TMX1: variants seen among roughly 807,000 people sequenced by gnomAD.
TMX1 encodes thioredoxin-related transmembrane protein 1.
In TMX1, 25 loss-of-function variants were observed where a neutral mutation model predicts 36.6. The ratio of observed to expected loss-of-function variants is 0.68; its 90% CI spans 0.50 to 0.95. TMX1 has a LOEUF of 0.95. Among genes scored for constraint, TMX1 ranks in the 40% least tolerant of loss-of-function variants. The pLI, the probability that TMX1 is intolerant of heterozygous loss-of-function variation, is 0.00. For missense variants in TMX1, 347 were observed against 339.6 expected (o/e 1.02, Z -0.17); for synonymous variants, 133 against 118.0 (o/e 1.13, Z -0.82).
Position 51,254,398 on chromosome 14 carries a change from C to T in TMX1, c.722C>T (p.Ala241Val), listed in dbSNP as rs747510130. The change falls in exon 8 of 8, where the codon GCG (alanine) becomes GTG (valine). Residue 241 changes from alanine to valine, a missense_variant. Physicochemically the swap from Ala to Val is moderately conservative, Grantham distance 64 (BLOSUM62 0). Coordinates refer to ENST00000457354, the MANE Select transcript of TMX1 (RefSeq NM_030755.5). ...PLKKVEEEQE[A>V]DEEDVSEEEA... is the part of the protein sequence containing the mutation. ...AAAAAAGTGGAGGAGGAACAAGAGG[C>T]GGATGAAGAAGATGTTTCAGAAGAA... The T allele has an allele frequency of 6.2e-6, 10 of 1,611,116 alleles. No homozygotes were observed. The highest frequency in any genetic ancestry group is 1.1e-5 in the South Asian group (1 of 90,510).
At position 51,240,297 on chromosome 14, in the gene TMX1, C is replaced by T. The variant is rs754659653; in HGVS notation, c.5C>T (p.Ala2Val). Reference protein sequence around the residue: MAPSGSLAVPLA... With the variant: MVPSGSLAVPLA... Reference sequence around the variant, plus strand: ...GTGAGGTGGGCAAGCGGCGAAATGGCGCCCTCCGGGAGTCTTGCAGTTCCC... The same window carrying T: ...GTGAGGTGGGCAAGCGGCGAAATGGTGCCCTCCGGGAGTCTTGCAGTTCCC... The change falls in exon 1 of 8, where the codon GCG (alanine) becomes GTG (valine). Residue 2 changes from alanine to valine, a missense_variant. Transcript: ENST00000457354. 1.1e-5 allele frequency: 18 copies of T among 1,610,120 alleles called. No homozygotes were observed. Among genetic ancestry groups the T allele is most frequent in the Admixed American group, 1.0e-4 (6 of 59,958 alleles).
chr14:51,248,592 G>A (rs868280671), intron 4 of TMX1, among the ~76,000 whole-genome samples: 6 of 152,258 alleles, frequency 3.9e-5, no homozygotes, highest in Middle Eastern at 3.4e-3. Flanking sequence ...CGAACTAAAA[G>A]TATAACTGAT....
intron 2 of TMX1, 52 bp downstream of exon 2, chr14:51,244,023 T>G (rs1033804753): frequency 7.1e-7 from 1 of 1,417,270 alleles, no homozygotes; most frequent in Non-Finnish European, 9.6e-7. Flanking sequence ...GGTTGATATA[T>G]TTATCCTTTT....
At chr14:51,252,386 C>G (rs1160631531) in intron 7 of TMX1, among the ~76,000 whole-genome samples, 1 of 151,400 alleles carries the variant, frequency 6.6e-6, no homozygotes, top group Non-Finnish European at 1.5e-5. Flanking sequence ...GGTCTATGAG[C>G]CAGAGAGATC....
chr14:51,252,583 A>G (rs1239005635), intron 7 of TMX1, among the ~76,000 whole-genome samples: 5 of 152,182 alleles, frequency 3.3e-5, no homozygotes, highest in Non-Finnish European at 2.9e-5. Context: ...AGTAAGCACT[A>G]TGTATATGAT....
chr14:51,241,322 A>G (rs1329612616), intron 1 of TMX1, among the ~76,000 whole-genome samples: 5 of 152,226 alleles, frequency 3.3e-5, no homozygotes, highest in African/African-American at 9.7e-5. Context: ...GGTATTATAC[A>G]TATTAGCAGT....
Position 51,240,323 on chromosome 14 carries a change from C to T in TMX1, c.31C>T (p.Leu11=), listed in dbSNP as rs761968295. MAPSGSLAVP[L]AVLVLLLWGA... is the part of the protein sequence containing the mutation. ...GCCCTCCGGGAGTCTTGCAGTTCCC[C>T]TGGCAGTCCTGGTGCTGTTGCTTTG... The change falls in exon 1 of 8, where the codon CTG becomes TTG. Residue 11 remains leucine (L), a synonymous_variant. Coordinates refer to ENST00000457354, the MANE Select transcript of TMX1 (RefSeq NM_030755.5). 1.1e-5 allele frequency: 18 copies of T among 1,613,256 alleles called. No individual in the cohort carries two copies. The highest frequency in any genetic ancestry group is 1.4e-5 in the Non-Finnish European group (16 of 1,179,994).
At position 51,241,316 on chromosome 14, in the gene TMX1, T is replaced by TTA. The variant is rs201667051; in HGVS notation, c.152+875_152+876dup. Among the ~76,000 whole-genome samples, 1,191 of 152,324 alleles carry TTA rather than the reference T, an allele frequency of 7.8e-3. 12 individuals carry two copies. Among genetic ancestry groups the TTA allele is most frequent in the South Asian group, 0.026 (125 of 4,828 alleles). ...TGCTAAGTCGTTGTTGATGGTGGTA[T>TTA]TATACATATTAGCAGTATTTACTGA... On this transcript the variant is annotated intron_variant, in intron 1 of 7. Transcript: ENST00000457354.
At chr14:51,242,926 T>C (rs1241708579) in intron 1 of TMX1, among the ~76,000 whole-genome samples, 3 of 152,206 alleles carry the variant, frequency 2.0e-5, no homozygotes, top group African/African-American at 4.8e-5. Context: ...ATTTTCATTG[T>C]AATACGATTT....
chr14:51,249,754 C>T lies in TMX1; in HGVS notation c.653C>T (p.Pro218Leu), dbSNP rs775899536. ...AAAAGGCGCAGACCACAGCCGTACC[C>T]ATACCCTTCAAGTAAGTATATTTTA... Reference protein sequence around the residue: ...PSKRRRPQPYPYPSKKLLSES... With the variant: ...PSKRRRPQPYLYPSKKLLSES... Residue 218 changes from proline (P) to leucine (L), a missense_variant, in exon 7 of 8, where the codon CCA (proline) becomes CTA (leucine). Coordinates refer to ENST00000457354, the MANE Select transcript of TMX1 (RefSeq NM_030755.5). 1 of 1,608,880 alleles carries T rather than the reference C, an allele frequency of 6.2e-7. No individual in the cohort carries two copies.
intron 1 of TMX1, 58 bp from the exon 2 acceptor site, chr14:51,243,798 G>T: frequency 8.3e-7 from 1 of 1,206,524 alleles, no homozygotes. Flanking sequence ...TTTATCCCAA[G>T]ATAAATGGTC....
Position 51,254,980 on chromosome 14 carries a change from A to G in TMX1, c.*461A>G, listed in dbSNP as rs566418652. On this transcript the variant is annotated 3_prime_UTR_variant, in exon 8 of 8. Coordinates refer to ENST00000457354, the MANE Select transcript of TMX1 (RefSeq NM_030755.5). Reference sequence around the variant, plus strand: ...CATTGTCTCAAGAAATGTGTATTTCAGTGACAATTTCGTGGTCTTTTTAGA... The same window carrying G: ...CATTGTCTCAAGAAATGTGTATTTCGGTGACAATTTCGTGGTCTTTTTAGA... 4 of 152,634 alleles carry G rather than the reference A, an allele frequency of 2.6e-5. No homozygotes were observed. Among genetic ancestry groups the G allele is most frequent in the African/African-American group, 7.2e-5 (3 of 41,572 alleles). 9.5% of individuals were successfully genotyped at this position (152,634 alleles called of 1,614,324 possible).
At chr14:51,247,323 A>G in intron 4 of TMX1, 103 bp downstream of exon 4, 1 of 1,208,356 alleles carries the variant, frequency 8.3e-7, no homozygotes, top group African/African-American at 1.6e-5. Context: ...TTGAGCTGTT[A>G]AGGTATATCC....
At chr14:51,249,245 G>T (rs2065799950) in intron 4 of TMX1, 81 bp from the exon 5 acceptor site, 15 of 1,189,820 alleles carry the variant, frequency 1.3e-5, no homozygotes, top group Non-Finnish European at 1.8e-5. Flanking sequence ...TCATATTGGG[G>T]AAATTATAGA....
Position 51,243,165 on chromosome 14 carries a change from G to T in TMX1, c.153-691G>T. On this transcript the variant is annotated intron_variant, in intron 1 of 7. Transcript: ENST00000457354. ...AAAATACAATAAAGTGGAAAAATAA[G>T]ATCCTCAGGAGATAATACCAGAGGA... Among the ~76,000 whole-genome samples, 2 of 150,414 alleles carry T rather than the reference G, an allele frequency of 1.3e-5. 1 individual carries two copies. The highest frequency in any genetic ancestry group is 4.2e-4 in the South Asian group (2 of 4,734).
intron 2 of TMX1, among the ~76,000 whole-genome samples, chr14:51,244,953 A>C (rs1342559118): frequency 2.0e-5 from 3 of 152,142 alleles, no homozygotes; most frequent in Non-Finnish European, 4.4e-5. Flanking sequence ...TGTCAAGTAC[A>C]ATTCCATTGG....
chr14:51,255,138 G>A lies in TMX1; in HGVS notation c.*619G>A, dbSNP rs758946002. The A allele has an allele frequency of 6.6e-6, 1 of 151,954 alleles. No homozygotes were observed. The highest frequency in any genetic ancestry group is 1.5e-5 in the Non-Finnish European group (1 of 67,904). 9.4% of individuals were successfully genotyped at this position (151,954 alleles called of 1,614,324 possible). A position where few individuals can be genotyped will look rare whatever the true frequency, so the allele number is the denominator to read the frequency against. On this transcript the variant is annotated 3_prime_UTR_variant, in exon 8 of 8. Transcript: ENST00000457354. ...GATTTAGGAAGTTTTTAAGTTCATG[G>A]TATTCTCTTGATTCCAACAAAGTTT...
intron 1 of TMX1, 85 bp downstream of exon 1, chr14:51,240,529 C>T: frequency 6.6e-7 from 1 of 1,505,860 alleles, no homozygotes; most frequent in Non-Finnish European, 8.9e-7. Flanking sequence ...TCGCAGGCTC[C>T]CCAGGACTGC....
chr14:51,241,275 C>CTT (rs1386358819), intron 1 of TMX1, among the ~76,000 whole-genome samples: 3 of 152,152 alleles, frequency 2.0e-5, no homozygotes, highest in Non-Finnish European at 4.4e-5. Flanking sequence ...AATAAAGTAT[C>CTT]TGTCTTTGCT....
Sources: allele counts gnomAD v4.1 joint callset (sites outside exome capture counted in the v4.1 genomes callset), GRCh38; gene constraint gnomAD v4.1.1; transcripts MANE v1.5; gene names NCBI Gene and HGNC (gene_info 2026-07-23, HGNC 2026-07-21).